NPHP4: variants seen among roughly 807,000 people sequenced by gnomAD.
The protein encoded by NPHP4 is nephrocystin-4.
A neutral mutation model predicts 155.8 loss-of-function variants in NPHP4; 151 were observed. That is an observed-to-expected ratio of 0.97 (90% CI 0.85 to 1.11). NPHP4 has a LOEUF of 1.11. Ranked by LOEUF, NPHP4 falls within the 50% of genes least tolerant of loss-of-function variation. The pLI, the probability that NPHP4 is intolerant of heterozygous loss-of-function variation, is 0.00. For synonymous variants in NPHP4, 845 were observed against 816.8 expected, an observed-to-expected ratio of 1.03 and a Z score of -0.59; for missense variants, 1,956 against 1,925.7, an observed-to-expected ratio of 1.02 and a Z score of -0.29.
rs750432324 is a variant in NPHP4 at position 5,969,257 on chromosome 1, G to C, written c.282C>G (p.Pro94=). ...RPPSRIVFNE[P]LYFHTSLNHP... ...GGTTTAGGGATGTGTGAAAATACAA[G>C]GGCTGCAGAACAGAAGCCAGAGGAT... Residue 94 remains proline, a splice_region_variant and synonymous_variant, in exon 4 of 30, where the codon CCC becomes CCG. Transcript: ENST00000378156. The C allele has an allele frequency of 9.9e-5, 154 of 1,551,022 alleles. 6 individuals carry two copies. The South Asian group carries it at 1.6e-3, about 17-fold the overall frequency.
intron 9 of NPHP4, among the ~76,000 whole-genome samples, chr1:5,945,093 T>C (rs1474155496): frequency 1.3e-5 from 2 of 152,138 alleles, no homozygotes; most frequent in African/African-American, 2.4e-5. Context: ...AAGAATAAAG[T>C]ATCGCTAAGA....
At chr1:5,886,514 T>G (rs1643817934) in intron 18 of NPHP4, 1 of 152,048 alleles carries the variant, frequency 6.6e-6, no homozygotes, top group Admixed American at 6.5e-5. Flanking sequence ...ATCACACGGC[T>G]TAGTTTTATT....
At chr1:5,908,617 G>T (rs1454906955) in intron 12 of NPHP4, among the ~76,000 whole-genome samples, 4 of 152,180 alleles carry the variant, frequency 2.6e-5, no homozygotes, top group African/African-American at 9.6e-5. Context: ...CAGCGGGAAG[G>T]CGCCTCTCCT....
intron 16 of NPHP4, among the ~76,000 whole-genome samples, chr1:5,895,299 T>C (rs919081970): frequency 7.1e-6 from 1 of 140,920 alleles, no homozygotes; most frequent in Non-Finnish European, 1.5e-5. Context: ...AACCTGCACG[T>C]TGGGCACGTG....
intron 11 of NPHP4, among the ~76,000 whole-genome samples, chr1:5,917,970 A>G (rs1161775865): frequency 6.6e-6 from 1 of 152,240 alleles, no homozygotes; most frequent in Non-Finnish European, 1.5e-5. Flanking sequence ...CTCTGGGACC[A>G]GGACGAGCAG....
chr1:5,955,337 G>C (rs1648970795), intron 6 of NPHP4, among the ~76,000 whole-genome samples: 1 of 152,224 alleles, frequency 6.6e-6, no homozygotes, highest in African/African-American at 2.4e-5. Flanking sequence ...TCCTCAAAAA[G>C]TTGAAAATAG....
Position 5,887,520 on chromosome 1 carries a change from A to ACCAGCCCTGCAGGTGGAGGCTGCTCC in NPHP4, c.2305-80_2305-55dup. On this transcript the variant is annotated intron_variant, in intron 17 of 29. Transcript: ENST00000378156. ...CTGGAGCCGGCCCTGGGCTGCTTCC[A>ACCAGCCCTGCAGGTGGAGGCTGCTCC]CCAGCCCTGCAGGTGGAGGCTGCTC... 3 of 1,584,266 alleles carry ACCAGCCCTGCAGGTGGAGGCTGCTCC rather than the reference A, an allele frequency of 1.9e-6. No homozygotes were observed. In the Admixed American group the frequency reaches 5.0e-5, roughly 27 times the overall value.
intron 23 of NPHP4, among the ~76,000 whole-genome samples, chr1:5,872,655 C>A (rs1642124458): frequency 6.6e-6 from 1 of 152,208 alleles, no homozygotes; most frequent in Non-Finnish European, 1.5e-5. Context: ...ACTCTGAATT[C>A]TGTCCTCCAG....
chr1:5,867,915 G>T lies in NPHP4; in HGVS notation c.3316-19C>A. The T allele has an allele frequency of 6.2e-7, 1 of 1,613,924 alleles. No homozygotes were observed. The highest frequency in any genetic ancestry group is 8.5e-7 in the Non-Finnish European group (1 of 1,179,816). ...ACAAGACCTGTGAGGAGGCCACGCT[G>T]AGTGTTGGGATGGGCACGAGGCTTG... On this transcript the variant is annotated intron_variant, in intron 23 of 29. Coordinates refer to ENST00000378156, the MANE Select transcript of NPHP4 (RefSeq NM_015102.5). The surrounding 1 kb of genome is among the most constrained non-coding windows in gnomAD (Gnocchi z 4.1).
At chr1:5,970,418 A>G (rs954714816) in intron 3 of NPHP4, among the ~76,000 whole-genome samples, 1 of 152,142 alleles carries the variant, frequency 6.6e-6, no homozygotes, top group African/African-American at 2.4e-5. Flanking sequence ...CAGGAGGATC[A>G]CTTGAGCCTG....
chr1:5,977,522 ACT>A (rs2102357275), intron 3 of NPHP4, among the ~76,000 whole-genome samples: 1 of 151,744 alleles, frequency 6.6e-6, no homozygotes, highest in South Asian at 2.1e-4. Flanking sequence ...ACTTGCAATT[ACT>A]CTGTTACCTG....
At chr1:5,928,309 C>T (rs76880853) in intron 10 of NPHP4, among the ~76,000 whole-genome samples, 2 of 152,208 alleles carry the variant, frequency 1.3e-5, no homozygotes, top group Admixed American at 6.5e-5. Context: ...CATGGAATCA[C>T]ATAATGTATA....
At position 5,864,012 on chromosome 1, in the gene NPHP4, C is replaced by T. The variant is rs958569972; in HGVS notation, c.4018G>A (p.Ala1340Thr). Residue 1340 changes from alanine to threonine, a missense_variant, in exon 29 of 30, where the codon GCG (alanine) becomes ACG (threonine). Physicochemically the swap from Ala to Thr is moderately conservative, Grantham distance 58 (BLOSUM62 0). Transcript: ENST00000378156. The stretch of plus-strand genomic sequence containing the variant: ...TTGTTGACACCCTTCCCTTCGCCCG[C>T]AGCCAACATGATCTCAAAGGCCTGT... ...ISKAFEIMLA[A>T]GEGKGVNKRI... 3 of 1,613,442 alleles carry T rather than the reference C, an allele frequency of 1.9e-6. No individual in the cohort carries two copies. The African/African-American group carries it at 4.0e-5, about 22-fold the overall frequency.
intron 6 of NPHP4, among the ~76,000 whole-genome samples, chr1:5,960,829 T>C (rs1243081678): frequency 2.0e-5 from 3 of 151,974 alleles, no homozygotes; most frequent in Admixed American, 1.3e-4. Flanking sequence ...GAGAATCAAC[T>C]TCTGAAAACC....
intron 6 of NPHP4, among the ~76,000 whole-genome samples, chr1:5,955,533 C>A (rs906953322): frequency 6.6e-6 from 1 of 152,256 alleles, no homozygotes; most frequent in Non-Finnish European, 1.5e-5. Flanking sequence ...TGTATCTACA[C>A]AATGGAGTAC....
At chr1:5,935,659 G>C (rs544044839) in intron 9 of NPHP4, among the ~76,000 whole-genome samples, 1 of 152,350 alleles carries the variant, frequency 6.6e-6, no homozygotes, top group South Asian at 2.1e-4. Flanking sequence ...TGGATCACCT[G>C]AGGTCAGGAG....
chr1:5,895,914 C>T (rs745549747), intron 16 of NPHP4, among the ~76,000 whole-genome samples: 26 of 152,164 alleles, frequency 1.7e-4, no homozygotes, highest in Admixed American at 3.9e-4. Context: ...ACCGTAGAGA[C>T]GGGCACAGGT....
At chr1:5,908,660 T>C (rs924231345) in intron 12 of NPHP4, among the ~76,000 whole-genome samples, 4 of 152,190 alleles carry the variant, frequency 2.6e-5, no homozygotes, top group Admixed American at 1.3e-4. Context: ...CACGGGGATC[T>C]GTGCGGTCGG....
chr1:5,865,276 G>T lies in NPHP4; in HGVS notation c.3645-3C>A. On this transcript the variant is annotated splice_polypyrimidine_tract_variant and splice_region_variant and intron_variant, in intron 26 of 29. Transcript: ENST00000378156. The stretch of plus-strand genomic sequence containing the variant: ...TGGGTGTCGCCAGCCAGCGATCCCT[G>T]CAGTGGGATGGGAGCCATCTGCACT... 6.5e-7 allele frequency: 1 copy of T among 1,546,238 alleles called. No individual in the cohort carries two copies. The highest frequency in any genetic ancestry group is 1.8e-5 in the Admixed American group (1 of 54,620).
Sources: allele counts gnomAD v4.1 joint callset (sites outside exome capture counted in the v4.1 genomes callset), GRCh38; gene constraint gnomAD v4.1.1; non-coding constraint Gnocchi (gnomAD v3.1); transcripts MANE v1.5; gene names NCBI Gene and HGNC (gene_info 2026-07-23, HGNC 2026-07-21).